NELL1: variants seen among roughly 807,000 people sequenced by gnomAD.
The protein encoded by NELL1 is neural EGFL like 1.
NELL1 carries 76 observed loss-of-function variants against 107.4 expected under a neutral mutation model. The ratio of observed to expected loss-of-function variants is 0.71; its 90% CI spans 0.59 to 0.86. The LOEUF is 0.86. Ranked by LOEUF, NELL1 falls within the 40% of genes least tolerant of loss-of-function variation. The probability of loss-of-function intolerance (pLI) is 0.00; values close to 1 mark genes in which losing one functional copy is unlikely to be tolerated. For synonymous variants in NELL1, 353 were observed against 341.2 expected (o/e 1.03, Z -0.38); for missense variants, 1,024 against 1,005.5 (o/e 1.02, Z -0.25).
intron 2 of NELL1, among the ~76,000 whole-genome samples, chr11:20,772,554 A>AT (rs1429277775): frequency 4.6e-5 from 7 of 152,168 alleles, no homozygotes; most frequent in Admixed American, 3.9e-4. Flanking sequence ...AGATATGGGC[A>AT]TTTTTTTAAA....
At chr11:20,717,742 C>A (rs1855285905) in intron 2 of NELL1, among the ~76,000 whole-genome samples, 2 of 152,238 alleles carry the variant, frequency 1.3e-5, no homozygotes, top group South Asian at 4.1e-4. Flanking sequence ...ATTCAGAGTT[C>A]TTTTCATAAA....
At chr11:21,389,460 G>T (rs896677827) in intron 15 of NELL1, among the ~76,000 whole-genome samples, 1 of 151,736 alleles carries the variant, frequency 6.6e-6, no homozygotes, top group Admixed American at 6.6e-5. Flanking sequence ...GTCACATTCT[G>T]CTCTCCCTTC....
chr11:20,843,604 A>C, intron 3 of NELL1, among the ~76,000 whole-genome samples: 1 of 147,308 alleles, frequency 6.8e-6, no homozygotes, highest in South Asian at 2.1e-4. Context: ...ATAAATATAA[A>C]ATTTTATATA....
intron 4 of NELL1, among the ~76,000 whole-genome samples, chr11:20,858,957 C>G (rs901914560): frequency 6.6e-6 from 1 of 152,186 alleles, no homozygotes; most frequent in African/African-American, 2.4e-5. Context: ...GGGCAGAAGG[C>G]CTTGGCGGCT....
intron 2 of NELL1, among the ~76,000 whole-genome samples, chr11:20,746,965 C>T (rs1856017730): frequency 6.6e-6 from 1 of 152,136 alleles, no homozygotes; most frequent in Non-Finnish European, 1.5e-5. Context: ...TTTCTTTGCC[C>T]TCGAAAGGAG....
chr11:21,336,412 G>A (rs1190207210), intron 14 of NELL1, among the ~76,000 whole-genome samples: 2 of 151,888 alleles, frequency 1.3e-5, no homozygotes, highest in East Asian at 1.9e-4. Flanking sequence ...CAACAAGTGG[G>A]CAAGTTAGGT....
intron 1 of NELL1, 109 bp from the exon 2 acceptor site, chr11:20,677,823 C>G (rs1854096188): frequency 8.0e-7 from 1 of 1,244,514 alleles, no homozygotes; most frequent in Admixed American, 1.8e-5. Context: ...ACTCTCCAAG[C>G]ACTCATCATT....
intron 14 of NELL1, among the ~76,000 whole-genome samples, chr11:21,326,391 A>T (rs1215521401): frequency 6.6e-6 from 1 of 151,974 alleles, no homozygotes; most frequent in Non-Finnish European, 1.5e-5. Flanking sequence ...TTCATGTTTA[A>T]ACTAAAATAT....
intron 10 of NELL1, among the ~76,000 whole-genome samples, chr11:20,947,110 A>G (rs1169692391): frequency 6.6e-6 from 1 of 152,164 alleles, no homozygotes; most frequent in Non-Finnish European, 1.5e-5. Flanking sequence ...AGATACTTCA[A>G]AACTGTTGAA....
At chr11:20,973,838 C>G (rs1470241044) in intron 12 of NELL1, among the ~76,000 whole-genome samples, 1 of 152,200 alleles carries the variant, frequency 6.6e-6, no homozygotes, top group African/African-American at 2.4e-5. Context: ...TATCACTTTT[C>G]CTGCTACTGC....
rs116753406 is a variant in NELL1 at position 21,096,001 on chromosome 11, A to G, written c.1301-17588A>G. On this transcript the variant is annotated intron_variant, in intron 12 of 19. Coordinates refer to ENST00000357134, the MANE Select transcript of NELL1 (RefSeq NM_006157.5). ...CCATCAGATCTCATAAGACTTATTC[A>G]CTGTCATGAGAACAGCAAGGGAAAG... Among the ~76,000 whole-genome samples, 1,317 of 151,638 alleles carry G rather than the reference A, an allele frequency of 8.7e-3. 17 individuals carry two copies. Among genetic ancestry groups the G allele is most frequent in the African/African-American group, 0.03 (1,243 of 41,308 alleles).
chr11:20,704,833 A>G (rs929349395), intron 2 of NELL1, among the ~76,000 whole-genome samples: 39 of 151,980 alleles, frequency 2.6e-4, no homozygotes, highest in Non-Finnish European at 1.5e-4. Flanking sequence ...CAAAATCAAT[A>G]TGCAAAAATT....
At chr11:21,180,255 C>T (rs181583159) in intron 13 of NELL1, among the ~76,000 whole-genome samples, 45 of 151,864 alleles carry the variant, frequency 3.0e-4, no homozygotes, top group African/African-American at 1.0e-3. Flanking sequence ...ACAAACTCTG[C>T]GGTTGCTTTC....
At chr11:20,965,697 G>T (rs1851374646) in intron 12 of NELL1, among the ~76,000 whole-genome samples, 1 of 152,204 alleles carries the variant, frequency 6.6e-6, no homozygotes, top group African/African-American at 2.4e-5. Flanking sequence ...CAGAGCAGCT[G>T]ATTAGCAAGG....
intron 2 of NELL1, among the ~76,000 whole-genome samples, chr11:20,783,156 G>A (rs1304943139): frequency 1.3e-5 from 2 of 152,220 alleles, no homozygotes; most frequent in African/African-American, 4.8e-5. Flanking sequence ...AGCAAGGACA[G>A]GTTTCCTATA....
intron 14 of NELL1, among the ~76,000 whole-genome samples, chr11:21,289,591 G>C (rs6483758): frequency 0.88 from 133,760 of 152,190 alleles, 59,561 homozygotes; most frequent in Non-Finnish European, 0.95. Context: ...TGGCAGTTTG[G>C]GCAGACAGGG....
chr11:20,896,821 A>G (rs1040187662), intron 5 of NELL1, among the ~76,000 whole-genome samples: 3 of 152,276 alleles, frequency 2.0e-5, no homozygotes, highest in Admixed American at 6.5e-5. Flanking sequence ...AATTGCTTCA[A>G]AGAGAATAAA....
At chr11:20,702,875 G>A (rs1028704264) in intron 2 of NELL1, among the ~76,000 whole-genome samples, 3 of 152,148 alleles carry the variant, frequency 2.0e-5, no homozygotes, top group African/African-American at 7.2e-5. Flanking sequence ...CATCATGGTG[G>A]ATAAGCTTTT....
At chr11:21,069,876 T>C (rs1256404581) in intron 12 of NELL1, among the ~76,000 whole-genome samples, 1 of 152,162 alleles carries the variant, frequency 6.6e-6, no homozygotes, top group East Asian at 1.9e-4. Flanking sequence ...ATGTAACCTC[T>C]CTGAGCTTCT....
Sources: gnomAD v4.1 joint callset for allele counts (sites outside exome capture counted in the v4.1 genomes callset) on GRCh38, gnomAD v4.1.1 for gene constraint, MANE v1.5 for transcripts, NCBI Gene and HGNC (gene_info 2026-07-23, HGNC 2026-07-21) for gene names.